Variants in PABPN1L observed in about 807,000 individuals in gnomAD.
PABPN1L encodes the protein PABPN1 like, cytoplasmic, also known as embryonic polyadenylate-binding protein 2.
In PABPN1L, 45 loss-of-function variants were observed where a neutral mutation model predicts 34.0. The ratio of observed to expected loss-of-function variants is 1.32; its 90% CI spans 1.04 to 1.70. The LOEUF is 1.70. Among genes scored for constraint, PABPN1L ranks in the 40% most tolerant of loss-of-function variants. PABPN1L has a pLI of 0.00. For missense variants in PABPN1L, 459 were observed against 367.8 expected, an observed-to-expected ratio of 1.25 and a Z score of -2.03; for synonymous variants, 182 against 152.1, an observed-to-expected ratio of 1.20 and a Z score of -1.45.
In PABPN1L at chr16:88,863,772, C is replaced by T. The variant is rs1239770541; in HGVS notation, c.821G>A (p.Trp274Ter). ...GTCTTCCCTTTAATACGGTGAAAACCATGGTGAGAATTTTCCACGGGCCCT... is the reference window on the plus strand; with the variant it reads ...GTCTTCCCTTTAATACGGTGAAAACTATGGTGAGAATTTTCCACGGGCCCT... The change falls in exon 7 of 7, where the codon TGG becomes TAG. Residue 274 changes from tryptophan (W) to a stop codon, truncating the protein, a stop_gained. Transcript: ENST00000419291. LOFTEE classifies it high-confidence loss of function. 2.6e-6 allele frequency: 4 copies of T among 1,536,062 alleles called. No individual in the cohort carries two copies. The highest frequency in any genetic ancestry group is 3.5e-6 in the Non-Finnish European group (4 of 1,146,882).
At chr16:88,866,014 C>G (rs1968584128) in intron 1 of PABPN1L, 73 bp from the exon 2 acceptor site, 4 of 1,482,230 alleles carry the variant, frequency 2.7e-6, no homozygotes, top group Non-Finnish European at 3.6e-6. Flanking sequence ...GTGTGGCCTG[C>G]CAGCTCCAGC....
At chr16:88,866,372 C>G in exon 1 of PABPN1L, 1 of 1,550,538 alleles carries the variant, frequency 6.4e-7, no homozygotes, top group Non-Finnish European at 8.7e-7. Flanking sequence ...AATGGGCACT[C>G]AGCCAGGTTC....
At chr16:88,866,603 A>C (rs1304952704) in exon 1 of PABPN1L, 1 of 1,543,914 alleles carries the variant, frequency 6.5e-7, no homozygotes, top group South Asian at 1.2e-5. Flanking sequence ...GGGAAGGGCC[A>C]CATGGTAGAG....
At chr16:88,864,402 GTCC>G (rs1195895934) in intron 5 of PABPN1L, 23 bp from the exon 6 acceptor site, 11 of 1,549,778 alleles carry the variant, frequency 7.1e-6, no homozygotes, top group South Asian at 2.4e-5. Context: ...CCTGTTTTGA[GTCC>G]TCCTCAAGGA....
exon 1 of PABPN1L, chr16:88,866,538 T>G (rs772579055): frequency 6.4e-7 from 1 of 1,551,512 alleles, no homozygotes; most frequent in South Asian, 1.2e-5. Flanking sequence ...CCTCAGGGTC[T>G]GAGGAGACCG....
rs377167731 is a variant in PABPN1L at position 88,864,920 on chromosome 16, G to A, written c.587C>T (p.Ala196Val). ...GGCGGCCTGCACGGAGCCCTTGGTG[G>A]CAAACTCTATGTAGGCATAACTGAG... The change falls in exon 5 of 7, where the codon GCC becomes GTC. Residue 196 changes from alanine (A) to valine (V), a missense_variant. Physicochemically the swap from Ala to Val is moderately conservative, Grantham distance 64. Transcript: ENST00000419291. 45 of 1,512,742 alleles carry A rather than the reference G, an allele frequency of 3.0e-5. No individual in the cohort carries two copies. The Middle Eastern group carries it at 5.5e-4, about 18-fold the overall frequency. 93.7% of individuals were successfully genotyped at this position (1,512,742 alleles called of 1,614,324 possible).
rs183636129 is a variant in PABPN1L, at chr16:88,864,949, A to C, written c.567-9T>G. 2.6e-6 allele frequency: 2 copies of C among 756,334 alleles called. No homozygotes were observed. Among genetic ancestry groups the C allele is most frequent in the African/African-American group, 2.6e-5 (1 of 38,718 alleles). The allele number at this position is 756,334 out of a possible 1,614,324, so 46.9% of individuals were successfully genotyped here. A position where few individuals can be genotyped will look rare whatever the true frequency, so the allele number is the denominator to read the frequency against. On this transcript the variant is annotated splice_polypyrimidine_tract_variant and intron_variant, in intron 4 of 6. Transcript: ENST00000419291. ...ACTCTATGTAGGCATAACTGAGGGG[A>C]GGGGCAGGGAGGGGAGGGGTGAGGC...
At position 88,865,146 on chromosome 16, in the gene PABPN1L, C is replaced by A. The variant is rs1027345117; in HGVS notation, c.460-18G>T. On this transcript the variant is annotated intron_variant, in intron 3 of 6. Transcript: ENST00000419291. Reference sequence around the variant, plus strand: ...TAGTCCACCTGCACCCAGGCCCAGACCAGCATGTGAGGGAGACGCCTGGCC... The same window carrying A: ...TAGTCCACCTGCACCCAGGCCCAGAACAGCATGTGAGGGAGACGCCTGGCC... The A allele has an allele frequency of 4.5e-6, 7 of 1,557,388 alleles. No individual in the cohort carries two copies. The highest frequency in any genetic ancestry group is 1.7e-4 in the Middle Eastern group (1 of 5,832).
Position 88,865,437 on chromosome 16 carries a change from C to T in PABPN1L, c.459+126G>A, listed in dbSNP as rs901630451. 32 of 1,203,378 alleles carry T rather than the reference C, an allele frequency of 2.7e-5. No homozygotes were observed. The Admixed American group carries it at 4.0e-4, about 15-fold the overall frequency. The allele number at this position is 1,203,378 out of a possible 1,614,324, so 74.5% of individuals were successfully genotyped here. A position where few individuals can be genotyped will look rare whatever the true frequency, so the allele number is the denominator to read the frequency against. Reference sequence around the variant, plus strand: ...CCAGGCCAGTGTTTCCTCAAGGTGACGGGGCTGCCCCCAGGGTCAGACCCC... The same window carrying T: ...CCAGGCCAGTGTTTCCTCAAGGTGATGGGGCTGCCCCCAGGGTCAGACCCC... On this transcript the variant is annotated intron_variant, in intron 3 of 6. Coordinates refer to ENST00000419291, the Ensembl canonical transcript of PABPN1L.
At chr16:88,869,849 C>G (rs553177326), upstream of PABPN1L, among the ~76,000 whole-genome samples, 69 of 152,384 alleles carry the variant, frequency 4.5e-4, no homozygotes, top group Non-Finnish European at 8.5e-4. Context: ...AGCTGCCTGG[C>G]AGGGGACAGA....
intron 3 of PABPN1L, 94 bp downstream of exon 3, chr16:88,865,469 A>G (rs1968568660): frequency 1.3e-6 from 2 of 1,488,134 alleles, no homozygotes; most frequent in African/African-American, 2.8e-5. Context: ...CCCCCTTCCC[A>G]GCAAGGCTGC....
chr16:88,866,287 G>A (rs910280753), intron 1 of PABPN1L, 65 bp downstream of exon 1: 11 of 1,504,458 alleles, frequency 7.3e-6, no homozygotes, highest in Middle Eastern at 1.7e-4. Context: ...CCCAGACCCC[G>A]TGTCTCCACC....
At chr16:88,869,867 G>C (rs577894662), upstream of PABPN1L, among the ~76,000 whole-genome samples, 1 of 152,220 alleles carries the variant, frequency 6.6e-6, no homozygotes, top group Non-Finnish European at 1.5e-5. Context: ...AGACGGCTCC[G>C]ACCCTGGCCT....
At chr16:88,869,294 G>C (rs1015288152), upstream of PABPN1L, among the ~76,000 whole-genome samples, 3 of 152,236 alleles carry the variant, frequency 2.0e-5, no homozygotes, top group African/African-American at 2.4e-5. Context: ...TCTGGAACCT[G>C]GCTATGGCCC....
upstream of PABPN1L, among the ~76,000 whole-genome samples, chr16:88,867,686 C>T (rs948008008): frequency 6.6e-6 from 1 of 152,150 alleles, no homozygotes; most frequent in East Asian, 1.9e-4. Context: ...AGTGGGCATC[C>T]GGTGGTGTCT....
At chr16:88,863,928 C>G in intron 6 of PABPN1L, 133 bp from the exon 7 acceptor site, 1 of 964,050 alleles carries the variant, frequency 1.0e-6, no homozygotes, top group Non-Finnish European at 1.5e-6. Flanking sequence ...AGGGGCCTTT[C>G]TGGTGACTCC....
exon 5 of PABPN1L, chr16:88,864,919 G>T (rs779205723): frequency 2.0e-6 from 3 of 1,528,294 alleles, no homozygotes; most frequent in Non-Finnish European, 2.7e-6. Context: ...AGCCCTTGGT[G>T]GCAAACTCTA....
At chr16:88,864,472 C>G (rs980662532) in intron 5 of PABPN1L, 93 bp from the exon 6 acceptor site, 2 of 1,446,282 alleles carry the variant, frequency 1.4e-6, no homozygotes, top group Admixed American at 2.6e-5. Flanking sequence ...AGCATGGGGT[C>G]CTGCCCGGCT....
upstream of PABPN1L, among the ~76,000 whole-genome samples, chr16:88,867,478 G>A (rs186080653): frequency 3.4e-4 from 51 of 152,224 alleles, no homozygotes; most frequent in Non-Finnish European, 3.8e-4. Flanking sequence ...TGATCCGCCC[G>A]ACTCGGCCTC....
Sources: allele counts gnomAD v4.1 joint callset (sites outside exome capture counted in the v4.1 genomes callset), GRCh38; gene constraint gnomAD v4.1.1; transcripts MANE v1.5; gene names NCBI Gene and HGNC (gene_info 2026-07-23, HGNC 2026-07-21).